IMPA2: variants seen among roughly 807,000 people sequenced by gnomAD.
IMPA2 encodes inositol monophosphatase 2, also known as IMP 2.
Under a neutral mutation model 35.1 loss-of-function variants are expected in IMPA2, and 32 were observed. The observed-to-expected ratio is 0.91, with a 90% CI of 0.69 to 1.23. The LOEUF (loss-of-function observed/expected upper bound fraction) is 1.23. Ranked by LOEUF, IMPA2 falls within the 50% of genes most tolerant of loss-of-function variation. The pLI is 0.00. For missense variants in IMPA2, 334 were observed against 387.6 expected (o/e 0.86, Z 1.16); for synonymous variants, 135 against 160.6 (o/e 0.84, Z 1.20).
chr18:12,018,299 A>G (rs76862301), intron 5 of IMPA2: 18,303 of 152,362 alleles, frequency 0.12, 1,555 homozygotes, highest in East Asian at 0.42. Flanking sequence ...ACAGTTGACA[A>G]GCTTGTTCTA....
In IMPA2 at chr18:11,999,720, C is replaced by T. The variant is rs577136241; in HGVS notation, c.230+533C>T. On this transcript the variant is annotated intron_variant, in intron 2 of 7. Transcript: ENST00000269159. ...AGTGGGAATGGCTGCCACAGCCGGG[C>T]CCCAGAGCTGTCCCTGCAAGAGGCC... Among the ~76,000 whole-genome samples, 9 of 152,378 alleles carry T rather than the reference C, an allele frequency of 5.9e-5. No individual in the cohort carries two copies. The South Asian group carries it at 1.7e-3, about 28-fold the overall frequency.
At chr18:11,985,095 C>T (rs1331878290) in intron 1 of IMPA2, among the ~76,000 whole-genome samples, 1 of 144,380 alleles carries the variant, frequency 6.9e-6, no homozygotes, top group Non-Finnish European at 1.5e-5. Flanking sequence ...AGTGGTGAGC[C>T]TAGGTTGCAC....
At chr18:12,028,650 T>G (rs1907950308) in intron 6 of IMPA2, 192 bp from the exon 7 acceptor site, 2 of 643,046 alleles carry the variant, frequency 3.1e-6, no homozygotes, top group Admixed American at 5.6e-5. Context: ...CACAAGGCAT[T>G]TGCGTCTGGC....
rs116376876 is a variant in IMPA2 at position 12,010,579 on chromosome 18, G to A, written c.335+592G>A. Among the ~76,000 whole-genome samples, 5,632 of 152,278 alleles carry A rather than the reference G, an allele frequency of 0.037. 328 individuals are homozygous for A. Among genetic ancestry groups the A allele is most frequent in the African/African-American group, 0.13 (5,332 of 41,540 alleles). ...TGGCAGTGGCAGGTGATGGTGCTGC[G>A]CTGCCTGTCTACACGCACAGGTGGC... On this transcript the variant is annotated intron_variant, in intron 3 of 7. Coordinates refer to ENST00000269159, the MANE Select transcript of IMPA2 (RefSeq NM_014214.3). The surrounding 1 kb of genome is among the most constrained non-coding windows in gnomAD (Gnocchi z 4.8).
At chr18:11,993,720 A>T (rs924548662) in intron 1 of IMPA2, among the ~76,000 whole-genome samples, 4 of 152,240 alleles carry the variant, frequency 2.6e-5, no homozygotes, top group African/African-American at 9.6e-5. Flanking sequence ...GTGCTGGAGT[A>T]GATGGAGGCT....
intron 1 of IMPA2, among the ~76,000 whole-genome samples, chr18:11,986,701 A>G (rs999497900): frequency 2.6e-5 from 4 of 152,176 alleles, no homozygotes; most frequent in African/African-American, 4.8e-5. Context: ...CACCTGGCCC[A>G]CACTCCTCAC....
At chr18:11,987,845 G>A (rs993748325) in intron 1 of IMPA2, among the ~76,000 whole-genome samples, 2 of 152,164 alleles carry the variant, frequency 1.3e-5, no homozygotes, top group African/African-American at 4.8e-5. Flanking sequence ...ACCCTGCAGT[G>A]TGTGAGGGTT....
intron 5 of IMPA2, among the ~76,000 whole-genome samples, chr18:12,014,687 TG>T (rs912232453): frequency 6.6e-6 from 1 of 152,072 alleles, no homozygotes; most frequent in African/African-American, 2.4e-5. Context: ...CGAGGCCAGG[TG>T]CTTGTTCCCC....
chr18:11,986,981 G>A (rs1906685164), intron 1 of IMPA2, among the ~76,000 whole-genome samples: 1 of 152,092 alleles, frequency 6.6e-6, no homozygotes, highest in Non-Finnish European at 1.5e-5. Flanking sequence ...GTTTTGTTTT[G>A]TTTTGCTTTG....
intron 1 of IMPA2, among the ~76,000 whole-genome samples, chr18:11,997,501 G>T (rs2143788445): frequency 6.6e-6 from 1 of 152,138 alleles, no homozygotes; most frequent in Non-Finnish European, 1.5e-5. Flanking sequence ...TTGCAACCAA[G>T]ATTAAAACAA....
chr18:12,017,568 A>G (rs1419174203), intron 5 of IMPA2: 2 of 423,858 alleles, frequency 4.7e-6, no homozygotes, highest in Non-Finnish European at 9.3e-6. Flanking sequence ...GGACTGTGCT[A>G]GGAAGTACGT....
chr18:12,015,118 G>T (rs2143811273), intron 5 of IMPA2, among the ~76,000 whole-genome samples: 1 of 152,300 alleles, frequency 6.6e-6, no homozygotes, highest in South Asian at 2.1e-4. Flanking sequence ...AGCAGCAGCT[G>T]CATGGGAGAT....
At position 11,984,983 on chromosome 18, in the gene IMPA2, A is replaced by C. The variant is rs1453100179; in HGVS notation, c.96+3218A>C. ...ACTCCGTCTCAAAAAAAAAAAAAAA[A>C]AACAACAAAAATCAGTCGAGCGTGG... On this transcript the variant is annotated intron_variant, in intron 1 of 7. Coordinates refer to ENST00000269159, the MANE Select transcript of IMPA2 (RefSeq NM_014214.3). 4.4e-4 allele frequency among the ~76,000 whole-genome samples: 54 copies of C among 121,960 alleles called. 1 individual carries two copies. The highest frequency in any genetic ancestry group is 2.8e-3 in the South Asian group (11 of 3,896). 80.0% of individuals were successfully genotyped at this position (121,960 alleles called of 152,430 possible). A position where few individuals can be genotyped will look rare whatever the true frequency, so the allele number is the denominator to read the frequency against.
chr18:12,022,029 TGTA>T (rs1907743797), intron 5 of IMPA2, among the ~76,000 whole-genome samples: 1 of 152,218 alleles, frequency 6.6e-6, no homozygotes, highest in African/African-American at 2.4e-5. Flanking sequence ...ATATTTTTAT[TGTA>T]GTAAAATGTA....
At position 12,009,883 on chromosome 18, in the gene IMPA2, G is replaced by C. The variant is rs1381005109; in HGVS notation, c.231G>C (p.Arg77Ser). Residue 77 changes from arginine (R) to serine (S), a missense_variant and splice_region_variant, in exon 3 of 8, where the codon AGG (arginine) becomes AGC (serine). Transcript: ENST00000269159. ...SELRERFPSHRFIAEEAAASG... is the reference protein window; with the variant it reads ...SELRERFPSHSFIAEEAAASG... ...CTCAGGCTGGGTTCTTCCACTGCAG[G>C]TTCATTGCAGAAGAGGCCGCGGCTT... The C allele has an allele frequency of 1.2e-6, 2 of 1,613,360 alleles. No homozygotes were observed. The highest frequency in any genetic ancestry group is 1.7e-6 in the Non-Finnish European group (2 of 1,179,318).
chr18:11,999,020 C>T, intron 1 of IMPA2, 34 bp from the exon 2 acceptor site: 1 of 1,554,716 alleles, frequency 6.4e-7, no homozygotes, highest in African/African-American at 1.4e-5. Flanking sequence ...AGGATGTTTG[C>T]ATGTTTAACC....
chr18:12,016,231 A>G (rs1375624339), intron 5 of IMPA2, among the ~76,000 whole-genome samples: 1 of 152,148 alleles, frequency 6.6e-6, no homozygotes, highest in African/African-American at 2.4e-5. Context: ...AAATTCCTCC[A>G]TATGGGAGAA....
At chr18:11,992,735 G>A (rs1452983937) in intron 1 of IMPA2, among the ~76,000 whole-genome samples, 1 of 152,158 alleles carries the variant, frequency 6.6e-6, no homozygotes, top group Non-Finnish European at 1.5e-5. Context: ...CTGGTGGAGT[G>A]AGAGTGTTTA....
At chr18:12,023,927 A>G (rs1160789348) in intron 5 of IMPA2, among the ~76,000 whole-genome samples, 17 of 152,216 alleles carry the variant, frequency 1.1e-4, no homozygotes, top group Admixed American at 9.2e-4. Flanking sequence ...CCAGAGGGCA[A>G]TTTGGAAAAT....
Sources: allele counts gnomAD v4.1 joint callset (sites outside exome capture counted in the v4.1 genomes callset), GRCh38; gene constraint gnomAD v4.1.1; non-coding constraint Gnocchi (gnomAD v3.1); transcripts MANE v1.5; gene names NCBI Gene and HGNC (gene_info 2026-07-23, HGNC 2026-07-21).